The following CTNNA2 variants were observed in gnomAD, a reference collection of about 807,000 sequenced individuals.
CTNNA2 encodes the protein catenin alpha-2.
Under a neutral mutation model 101.0 loss-of-function variants are expected in CTNNA2, and 42 were observed. That is an observed-to-expected ratio of 0.42 (90% CI 0.32 to 0.54). The LOEUF (loss-of-function observed/expected upper bound fraction) is 0.54. Among genes scored for constraint, CTNNA2 ranks in the 20% least tolerant of loss-of-function variants. The probability of loss-of-function intolerance (pLI) is 0.14; values close to 1 mark genes in which losing one functional copy is unlikely to be tolerated. For missense variants in CTNNA2, 871 were observed against 1,223.1 expected, an observed-to-expected ratio of 0.71 and a Z score of 4.29; for synonymous variants, 450 against 456.4, an observed-to-expected ratio of 0.99 and a Z score of 0.18.
chr2:79,858,634 G>A (rs185127862), intron 4 of CTNNA2, among the ~76,000 whole-genome samples: 2 of 152,146 alleles, frequency 1.3e-5, no homozygotes, highest in East Asian at 3.9e-4. Flanking sequence ...CTCTAGCCTT[G>A]CTCTCCTGTA....
At chr2:79,895,210 C>T (rs1271348114) in intron 6 of CTNNA2, among the ~76,000 whole-genome samples, 1 of 152,214 alleles carries the variant, frequency 6.6e-6, no homozygotes, top group Non-Finnish European at 1.5e-5. Flanking sequence ...TCAGGCCATG[C>T]AATGTTTCTT....
At chr2:79,647,577 C>G (rs570510651) in intron 1 of CTNNA2, among the ~76,000 whole-genome samples, 1 of 152,150 alleles carries the variant, frequency 6.6e-6, no homozygotes, top group East Asian at 1.9e-4. Context: ...GTGATCTCTG[C>G]CGAGACAGCA....
At chr2:80,280,941 T>C (rs906679383) in intron 7 of CTNNA2, among the ~76,000 whole-genome samples, 3 of 152,266 alleles carry the variant, frequency 2.0e-5, no homozygotes, top group Admixed American at 6.5e-5. Flanking sequence ...GGAGAGAGTA[T>C]TTCTGAAAGG....
intron 9 of CTNNA2, among the ~76,000 whole-genome samples, chr2:80,423,511 T>TA (rs757870201): frequency 3.3e-5 from 5 of 152,090 alleles, no homozygotes; most frequent in Non-Finnish European, 5.9e-5. Flanking sequence ...TCATCTCCTT[T>TA]AAAAAAATAT....
intron 4 of CTNNA2, among the ~76,000 whole-genome samples, chr2:79,422,120 T>G (rs1443551176): frequency 6.6e-6 from 1 of 152,114 alleles, no homozygotes; most frequent in Non-Finnish European, 1.5e-5. Context: ...GCCATTGCCC[T>G]CCAGCCTGGG....
chr2:80,231,830 G>A (rs189178729), intron 7 of CTNNA2, among the ~76,000 whole-genome samples: 2 of 152,248 alleles, frequency 1.3e-5, no homozygotes, highest in Admixed American at 6.5e-5. Context: ...GAAGAAATTT[G>A]CATTCTGTAG....
chr2:79,874,418 G>C, intron 6 of CTNNA2, 76 bp downstream of exon 6: 2,438 of 1,349,238 alleles, frequency 1.8e-3, no homozygotes, highest in Non-Finnish European at 2.3e-3. Flanking sequence ...GAGGATGAAG[G>C]GCCACTACAA....
intron 18 of CTNNA2, among the ~76,000 whole-genome samples, chr2:80,630,799 G>T (rs10460584): frequency 6.6e-6 from 1 of 151,914 alleles, no homozygotes; most frequent in African/African-American, 2.4e-5. Context: ...GATTCAAATT[G>T]CTTCTGTGTT....
At chr2:79,302,520 A>G (rs17706686) in intron 2 of CTNNA2, among the ~76,000 whole-genome samples, 7,912 of 152,278 alleles carry the variant, frequency 0.052, 292 homozygotes, top group Middle Eastern at 0.15. Flanking sequence ...AGTTTCAGCT[A>G]TCTTTTCCTG....
intron 2 of CTNNA2, among the ~76,000 whole-genome samples, chr2:79,219,126 C>T (rs1674307585): frequency 1.3e-5 from 2 of 152,072 alleles, no homozygotes; most frequent in Admixed American, 6.5e-5. Flanking sequence ...AAAATTGTAC[C>T]ATGAGCATCC....
intron 7 of CTNNA2, among the ~76,000 whole-genome samples, chr2:80,263,327 T>C (rs1366199637): frequency 6.6e-6 from 1 of 152,194 alleles, no homozygotes; most frequent in Admixed American, 6.5e-5. Context: ...TTTTGTGAAG[T>C]GAATTTATAT....
At chr2:80,523,435 G>A (rs142749628) in intron 9 of CTNNA2, among the ~76,000 whole-genome samples, 26 of 152,332 alleles carry the variant, frequency 1.7e-4, no homozygotes, top group African/African-American at 5.8e-4. Flanking sequence ...GGAGGAAAAT[G>A]TTAGTGATTT....
chr2:79,430,576 T>C (rs570171445), intron 4 of CTNNA2, among the ~76,000 whole-genome samples: 30 of 152,180 alleles, frequency 2.0e-4, no homozygotes, highest in Non-Finnish European at 4.1e-4. Context: ...TTATACTGAG[T>C]GCCAACCATA....
chr2:80,001,206 G>A (rs1486804208), intron 7 of CTNNA2, among the ~76,000 whole-genome samples: 1 of 152,104 alleles, frequency 6.6e-6, no homozygotes, highest in Non-Finnish European at 1.5e-5. Context: ...TGTCACCAGT[G>A]GAACTCTGCA....
chr2:79,321,047 T>C (rs1478059035), intron 3 of CTNNA2, among the ~76,000 whole-genome samples: 1 of 152,214 alleles, frequency 6.6e-6, no homozygotes, highest in African/African-American at 2.4e-5. Flanking sequence ...GTAATGGATT[T>C]GGCTACTGTT....
At chr2:79,901,138 C>T (rs1207158997) in intron 6 of CTNNA2, among the ~76,000 whole-genome samples, 1 of 151,406 alleles carries the variant, frequency 6.6e-6, no homozygotes, top group Non-Finnish European at 1.5e-5. Context: ...GTTTTCATTG[C>T]TTTAATTGCC....
chr2:80,000,191 G>C (rs1347298), intron 7 of CTNNA2, among the ~76,000 whole-genome samples: 85,509 of 152,028 alleles, frequency 0.56, 25,539 homozygotes, highest in East Asian at 0.88. Context: ...TTCCCTTTAA[G>C]AGCATGTTTT....
At chr2:79,809,138 C>T (rs1676808309) in intron 3 of CTNNA2, among the ~76,000 whole-genome samples, 2 of 152,182 alleles carry the variant, frequency 1.3e-5, no homozygotes, top group African/African-American at 4.8e-5. Context: ...TATATGGCTG[C>T]ATGGTATTCC....
chr2:79,532,528 CTGAT>C (rs1189145221), intron 1 of CTNNA2, among the ~76,000 whole-genome samples: 1 of 152,208 alleles, frequency 6.6e-6, no homozygotes, highest in East Asian at 1.9e-4. Flanking sequence ...ATGCATTCTT[CTGAT>C]TAACTAATTG....
Sources: allele counts gnomAD v4.1 joint callset (sites outside exome capture counted in the v4.1 genomes callset), GRCh38; gene constraint gnomAD v4.1.1; transcripts MANE v1.5; gene names NCBI Gene and HGNC (gene_info 2026-07-23, HGNC 2026-07-21).